ARIH2: variants seen among roughly 807,000 people sequenced by gnomAD.
ARIH2 encodes the protein E3 ubiquitin-protein ligase ARIH2.
Under a neutral mutation model 79.8 loss-of-function variants are expected in ARIH2, and 12 were observed. The ratio of observed to expected loss-of-function variants is 0.15; its 90% CI spans 0.10 to 0.24. The LOEUF is 0.24. Among genes scored for constraint, ARIH2 ranks in the 10% least tolerant of loss-of-function variants. The pLI is 1.00. For missense variants in ARIH2, 301 were observed against 618.3 expected (o/e 0.49, Z 5.44); for synonymous variants, 224 against 213.9 (o/e 1.05, Z -0.41).
chr3:48,940,811 AT>A (rs1408804003), intron 3 of ARIH2, among the ~76,000 whole-genome samples: 32 of 97,890 alleles, frequency 3.3e-4, no homozygotes, highest in African/African-American at 8.0e-4. Flanking sequence ...AAAAAAAAAT[AT>A]ATATATATAT....
At chr3:48,937,908 G>A (rs555691402) in intron 3 of ARIH2, among the ~76,000 whole-genome samples, 3 of 151,908 alleles carry the variant, frequency 2.0e-5, no homozygotes, top group East Asian at 1.9e-4. Flanking sequence ...TTAGCCGGTC[G>A]TAGTGGCGGG....
intron 5 of ARIH2, among the ~76,000 whole-genome samples, chr3:48,965,886 G>A (rs903956861): frequency 6.6e-6 from 1 of 152,116 alleles, no homozygotes; most frequent in South Asian, 2.1e-4. Context: ...GGTTGAACCC[G>A]GGAGGTGGAG....
At chr3:48,960,899 A>G (rs1024591621) in intron 3 of ARIH2, among the ~76,000 whole-genome samples, 12 of 152,052 alleles carry the variant, frequency 7.9e-5, no homozygotes, top group African/African-American at 2.2e-4. Context: ...ATTTTTTACT[A>G]TTGTAAGTAA....
At chr3:48,946,586 C>A (rs1443776904) in intron 3 of ARIH2, among the ~76,000 whole-genome samples, 1 of 151,962 alleles carries the variant, frequency 6.6e-6, no homozygotes, top group Non-Finnish European at 1.5e-5. Context: ...GATCTGGAAA[C>A]CATCTGAGAG....
chr3:48,919,033 C>T, intron 1 of ARIH2, 35 bp downstream of exon 1: 1 of 1,357,716 alleles, frequency 7.4e-7, no homozygotes, highest in South Asian at 1.9e-5. Context: ...CCTTGTTTAC[C>T]TTGGCTGGCC....
chr3:48,938,644 G>T (rs1018523864), intron 3 of ARIH2, among the ~76,000 whole-genome samples: 1 of 152,088 alleles, frequency 6.6e-6, no homozygotes, highest in Non-Finnish European at 1.5e-5. Context: ...GTAAATTTGG[G>T]AGTGCCCTTC....
chr3:48,946,035 C>T (rs1356403513), intron 3 of ARIH2, among the ~76,000 whole-genome samples: 3 of 152,178 alleles, frequency 2.0e-5, no homozygotes, highest in Non-Finnish European at 4.4e-5. Flanking sequence ...TAGTCTCTAA[C>T]ACCCTTAGAC....
In ARIH2 at chr3:48,918,856, G is replaced by C. The variant is rs757115126; in HGVS notation, c.-304G>C. On this transcript the variant is annotated 5_prime_UTR_variant, in exon 1 of 16. Coordinates refer to ENST00000356401, the MANE Select transcript of ARIH2 (RefSeq NM_006321.4). Reference sequence around the variant, plus strand: ...CAAGCACTTCCGGAGCTGTGGGGACGACTCTTCTGGAGGAAGCAGCGCGGG... The same window carrying C: ...CAAGCACTTCCGGAGCTGTGGGGACCACTCTTCTGGAGGAAGCAGCGCGGG... The C allele has an allele frequency of 5.0e-6, 8 of 1,610,838 alleles. No homozygotes were observed. Among genetic ancestry groups the C allele is most frequent in the African/African-American group, 2.7e-5 (2 of 75,058 alleles).
chr3:48,982,823 C>A, intron 14 of ARIH2, 73 bp from the exon 15 acceptor site: 1 of 1,098,394 alleles, frequency 9.1e-7, no homozygotes, highest in Non-Finnish European at 1.4e-6. Flanking sequence ...GCTGCATGTG[C>A]CCACCCCCGT....
intron 3 of ARIH2, among the ~76,000 whole-genome samples, chr3:48,940,177 G>A (rs995496877): frequency 2.6e-5 from 4 of 152,148 alleles, no homozygotes; most frequent in Admixed American, 6.5e-5. Flanking sequence ...CTGCACTCCA[G>A]CCTGGGCAAC....
chr3:48,926,559 C>T (rs999134762), intron 2 of ARIH2, among the ~76,000 whole-genome samples: 9 of 151,912 alleles, frequency 5.9e-5, no homozygotes, highest in East Asian at 1.9e-4. Flanking sequence ...CGTGAGCCAC[C>T]GCACCCGGCC....
intron 3 of ARIH2, among the ~76,000 whole-genome samples, chr3:48,928,897 C>T (rs907666468): frequency 1.3e-5 from 2 of 151,542 alleles, no homozygotes; most frequent in Non-Finnish European, 2.9e-5. Context: ...GAGCAGAAAA[C>T]TCTGAAGAAT....
At chr3:48,919,801 G>A (rs747332237) in intron 1 of ARIH2, among the ~76,000 whole-genome samples, 3 of 152,156 alleles carry the variant, frequency 2.0e-5, no homozygotes, top group Non-Finnish European at 4.4e-5. Flanking sequence ...TTTGTGCCAA[G>A]TCGTTTTTCT....
intron 12 of ARIH2, 76 bp downstream of exon 12, chr3:48,979,709 C>T (rs577502991): frequency 6.3e-5 from 96 of 1,533,208 alleles, no homozygotes; most frequent in Admixed American, 5.1e-4. Flanking sequence ...TTCCCAGGGA[C>T]TGGTAGACAG....
chr3:48,934,494 CTGAG>C (rs1559735346), intron 3 of ARIH2: 2 of 985,240 alleles, frequency 2.0e-6, no homozygotes, highest in African/African-American at 1.7e-5. Flanking sequence ...CCTGGTTACA[CTGAG>C]TGTTTGTGTG....
At chr3:48,942,608 A>G (rs2088474656) in intron 3 of ARIH2, among the ~76,000 whole-genome samples, 1 of 146,728 alleles carries the variant, frequency 6.8e-6, no homozygotes, top group African/African-American at 2.5e-5. Context: ...TCTCCTGAGT[A>G]GGTGGGATTA....
intron 2 of ARIH2, among the ~76,000 whole-genome samples, 171 bp downstream of exon 2, chr3:48,922,982 C>T (rs958679385): frequency 3.9e-5 from 6 of 151,954 alleles, no homozygotes; most frequent in Non-Finnish European, 7.4e-5. Flanking sequence ...CTGAGGTGGG[C>T]GGATCACGAG....
chr3:48,944,439 A>G (rs777000033), intron 3 of ARIH2, among the ~76,000 whole-genome samples: 14 of 152,192 alleles, frequency 9.2e-5, no homozygotes, highest in Non-Finnish European at 1.9e-4. Flanking sequence ...AACTGAATCA[A>G]GGTTAGGCTG....
chr3:48,934,157 G>A (rs2086796615), intron 3 of ARIH2, among the ~76,000 whole-genome samples: 1 of 152,132 alleles, frequency 6.6e-6, no homozygotes, highest in Non-Finnish European at 1.5e-5. Flanking sequence ...AAGTGCCGAA[G>A]TCTTTATAGT....
Sources: gnomAD v4.1 joint callset for allele counts (sites outside exome capture counted in the v4.1 genomes callset) on GRCh38, gnomAD v4.1.1 for gene constraint, MANE v1.5 for transcripts, NCBI Gene and HGNC (gene_info 2026-07-23, HGNC 2026-07-21) for gene names.